Variants in ATP6V0A4 observed in about 807,000 individuals in gnomAD.
ATP6V0A4 encodes V-type proton ATPase 116 kDa subunit a 4.
Under a neutral mutation model 107.3 loss-of-function variants are expected in ATP6V0A4, and 86 were observed. The ratio of observed to expected loss-of-function variants is 0.80; its 90% CI spans 0.67 to 0.96. The LOEUF is 0.96. Among genes scored for constraint, ATP6V0A4 ranks in the 40% least tolerant of loss-of-function variants. The pLI, the probability that ATP6V0A4 is intolerant of heterozygous loss-of-function variation, is 0.00. For missense variants in ATP6V0A4, 908 were observed against 1,045.6 expected (o/e 0.87, Z 1.81); for synonymous variants, 353 against 381.4 (o/e 0.93, Z 0.87).
chr7:138,726,077 C>T (rs1804701784), intron 18 of ATP6V0A4, among the ~76,000 whole-genome samples: 1 of 152,022 alleles, frequency 6.6e-6, no homozygotes, highest in Non-Finnish European at 1.5e-5. Context: ...GCAAGCTCCG[C>T]CTCCCGGGCT....
rs67200252 is a variant in ATP6V0A4, at chr7:138,777,615, C to CAAA, written c.-17-6354_-17-6352dup. Among the ~76,000 whole-genome samples the CAAA allele has an allele frequency of 1.6e-3, 175 of 112,024 alleles. 15 individuals carry two copies. In the East Asian group the frequency reaches 0.034, roughly 22 times the overall value. 73.5% of individuals were successfully genotyped at this position (112,024 alleles called of 152,430 possible). On this transcript the variant is annotated intron_variant, in intron 2 of 21. Coordinates refer to ENST00000310018, the MANE Select transcript of ATP6V0A4 (RefSeq NM_020632.3). The stretch of plus-strand genomic sequence containing the variant: ...GGGCAAAGAGAGGGAAACTCCGTCT[C>CAAA]AAAAAAAAAAAAAAAAATACACACA...
intron 9 of ATP6V0A4, 183 bp from the exon 10 acceptor site, chr7:138,755,965 G>A (rs2117299201): frequency 9.3e-7 from 1 of 1,070,062 alleles, no homozygotes; most frequent in Non-Finnish European, 1.3e-6. Context: ...CGTCACTTGT[G>A]CTGTGAATTG....
chr7:138,743,672 A>G (rs188092146), intron 14 of ATP6V0A4, among the ~76,000 whole-genome samples: 1 of 152,286 alleles, frequency 6.6e-6, no homozygotes, highest in African/African-American at 2.4e-5. Context: ...TACCTAGCTC[A>G]GTCTTCACTT....
In ATP6V0A4 at chr7:138,789,221, G is replaced by GTT. The variant is rs1481654818; in HGVS notation, c.-120-2962_-120-2961insAA. The stretch of plus-strand genomic sequence containing the variant: ...ACTTAAAGGTTAAGGTTTTTTGGGG[G>GTT]GTTTTTTTTTGTTGTTGTTGTTGTT... On this transcript the variant is annotated intron_variant, in intron 1 of 21. Transcript: ENST00000310018. Among the ~76,000 whole-genome samples the GTT allele has an allele frequency of 9.7e-3, 1,349 of 139,020 alleles. 4 individuals carry two copies. The highest frequency in any genetic ancestry group is 0.015 in the Non-Finnish European group (971 of 63,774). 91.2% of individuals were successfully genotyped at this position (139,020 alleles called of 152,430 possible).
intron 5 of ATP6V0A4, among the ~76,000 whole-genome samples, chr7:138,766,219 T>G (rs1363324441): frequency 2.0e-5 from 2 of 100,414 alleles, no homozygotes; most frequent in Non-Finnish European, 2.2e-5. Context: ...TTTTTTTTTT[T>G]GGAAACACAG....
chr7:138,745,363 A>T, intron 13 of ATP6V0A4, 83 bp from the exon 14 acceptor site: 1 of 1,598,180 alleles, frequency 6.3e-7, no homozygotes, highest in Non-Finnish European at 8.5e-7. Context: ...GGATATCTCC[A>T]GCATCACCGG....
In ATP6V0A4 at chr7:138,762,441, G is replaced by C. The variant is rs1337118658; in HGVS notation, c.418-7C>G. Reference sequence around the variant, plus strand: ...CAGCTAAATTGGTTTCCGTCTGAAAGTCAAAGCACTATGATTTTCATTTAA... The same window carrying C: ...CAGCTAAATTGGTTTCCGTCTGAAACTCAAAGCACTATGATTTTCATTTAA... On this transcript the variant is annotated splice_polypyrimidine_tract_variant and splice_region_variant and intron_variant, in intron 6 of 21. Coordinates refer to ENST00000310018, the MANE Select transcript of ATP6V0A4 (RefSeq NM_020632.3). 2.5e-6 allele frequency: 4 copies of C among 1,613,990 alleles called. No individual in the cohort carries two copies. Among genetic ancestry groups the C allele is most frequent in the Non-Finnish European group, 3.4e-6 (4 of 1,179,962 alleles).
intron 2 of ATP6V0A4, among the ~76,000 whole-genome samples, chr7:138,784,536 T>C (rs1401504589): frequency 6.6e-6 from 1 of 151,774 alleles, no homozygotes; most frequent in Non-Finnish European, 1.5e-5. Context: ...GCCAGGGTGG[T>C]CTCGATCTCC....
At chr7:138,769,302 A>G in intron 3 of ATP6V0A4, 51 bp from the exon 4 acceptor site, 1 of 1,516,922 alleles carries the variant, frequency 6.6e-7, no homozygotes, top group African/African-American at 1.4e-5. Flanking sequence ...AGCTGCCAAT[A>G]GATTTCTTTC....
Position 138,760,282 on chromosome 7 carries a change from A to G in ATP6V0A4, c.513-404T>C, listed in dbSNP as rs146366406. Among the ~76,000 whole-genome samples the G allele has an allele frequency of 6.8e-4, 103 of 152,016 alleles. 1 individual carries two copies. In the East Asian group the frequency reaches 0.014, roughly 20 times the overall value. On this transcript the variant is annotated intron_variant, in intron 7 of 21. Transcript: ENST00000310018. Reference sequence around the variant, plus strand: ...AACATGCTGAAACCCCATCTCTACTAAAAATACAAAATTAGCCACACCTGG... The same window carrying G: ...AACATGCTGAAACCCCATCTCTACTGAAAATACAAAATTAGCCACACCTGG...
chr7:138,723,834 C>A (rs1366850508), intron 18 of ATP6V0A4, among the ~76,000 whole-genome samples: 1 of 151,916 alleles, frequency 6.6e-6, no homozygotes, highest in Admixed American at 6.6e-5. Flanking sequence ...CCAGGGCCCT[C>A]CTTTCTTTAG....
At chr7:138,750,691 G>A (rs954625296) in intron 11 of ATP6V0A4, among the ~76,000 whole-genome samples, 8 of 152,126 alleles carry the variant, frequency 5.3e-5, no homozygotes, top group Non-Finnish European at 1.2e-4. Context: ...CCTGCTCCCC[G>A]GCCAGCCTCC....
At chr7:138,769,689 T>G (rs1238292294) in intron 3 of ATP6V0A4, among the ~76,000 whole-genome samples, 1 of 152,172 alleles carries the variant, frequency 6.6e-6, no homozygotes, top group Non-Finnish European at 1.5e-5. Flanking sequence ...GATACTTCCA[T>G]GCACAAGACA....
intron 21 of ATP6V0A4, among the ~76,000 whole-genome samples, chr7:138,707,169 TATATATTATATA>T (rs1803430524): frequency 1.6e-5 from 1 of 64,488 alleles, no homozygotes; most frequent in East Asian, 3.0e-4. Context: ...TAATATATTA[TATATATTATATA>T]ATATATTATA....
intron 1 of ATP6V0A4, among the ~76,000 whole-genome samples, chr7:138,788,951 T>C (rs1584954188): frequency 1.3e-5 from 2 of 152,228 alleles, no homozygotes; most frequent in Admixed American, 6.5e-5. Flanking sequence ...TGGATATGTC[T>C]TTATTAGCAG....
rs1483632491 is a variant in ATP6V0A4, at chr7:138,773,103, C to T, written c.-17-1839G>A. Among the ~76,000 whole-genome samples, 5 of 152,176 alleles carry T rather than the reference C, an allele frequency of 3.3e-5. No homozygotes were observed. The highest frequency in any genetic ancestry group is 4.8e-5 in the African/African-American group (2 of 41,434). Reference sequence around the variant, plus strand: ...AGAGTAGATTTAATTTTATCACGTACAGAGTATCTACTGTGTGCTCGATAC... The same window carrying T: ...AGAGTAGATTTAATTTTATCACGTATAGAGTATCTACTGTGTGCTCGATAC... On this transcript the variant is annotated intron_variant, in intron 2 of 21. Transcript: ENST00000310018. The surrounding 1 kb of genome is among the most constrained non-coding windows in gnomAD (Gnocchi z 5.4).
At chr7:138,729,497 C>T (rs1804882192) in intron 17 of ATP6V0A4, among the ~76,000 whole-genome samples, 1 of 152,148 alleles carries the variant, frequency 6.6e-6, no homozygotes, top group Admixed American at 6.6e-5. Context: ...TCTCGCCTTC[C>T]CTTTGGAGTG....
At chr7:138,763,907 C>G (rs1806954027) in intron 5 of ATP6V0A4, among the ~76,000 whole-genome samples, 1 of 149,840 alleles carries the variant, frequency 6.7e-6, no homozygotes, top group Non-Finnish European at 1.5e-5. Context: ...TTACAGTGAG[C>G]AGAGGTCGCA....
At chr7:138,734,082 T>TTCA in intron 16 of ATP6V0A4, 54 bp downstream of exon 16, 1 of 1,548,788 alleles carries the variant, frequency 6.5e-7, no homozygotes, top group Middle Eastern at 1.7e-4. Flanking sequence ...TCTGTCACCA[T>TTCA]TCATCATCAG....
Sources: allele counts gnomAD v4.1 joint callset (sites outside exome capture counted in the v4.1 genomes callset), GRCh38; gene constraint gnomAD v4.1.1; non-coding constraint Gnocchi (gnomAD v3.1); transcripts MANE v1.5; gene names NCBI Gene and HGNC (gene_info 2026-07-23, HGNC 2026-07-21).